The following KAZN variants were observed in gnomAD, a reference collection of about 807,000 sequenced individuals.
KAZN encodes kazrin, periplakin interacting protein.
KAZN carries 40 observed loss-of-function variants against 87.4 expected under a neutral mutation model. The observed-to-expected ratio is 0.46, with a 90% CI of 0.36 to 0.60. The LOEUF (loss-of-function observed/expected upper bound fraction) is 0.60, where lower values mean the gene tolerates loss of function less well. Ranked by LOEUF, KAZN falls within the 20% of genes least tolerant of loss-of-function variation. KAZN has a pLI of 0.00. For synonymous variants in KAZN, 466 were observed against 458.3 expected, an observed-to-expected ratio of 1.02 and a Z score of -0.22; for missense variants, 898 against 1,073.9, an observed-to-expected ratio of 0.84 and a Z score of 2.29.
chr1:15,031,553 G>GTGTGTTGTGTTGTGTTGTGT (rs139569205), intron 2 of KAZN, among the ~76,000 whole-genome samples: 15,547 of 146,284 alleles, frequency 0.11, 1,000 homozygotes, highest in South Asian at 0.13. Flanking sequence ...GCTACTCAGG[G>GTGTGTTGTGTTGTGTTGTGT]TGTGTTGTGT....
intron 1 of KAZN, among the ~76,000 whole-genome samples, chr1:14,926,696 T>C (rs1249833001): frequency 1.3e-5 from 2 of 152,184 alleles, no homozygotes; most frequent in East Asian, 1.9e-4. Flanking sequence ...GGCTTTCCTC[T>C]AGGAGGGCGA....
intron 1 of KAZN, among the ~76,000 whole-genome samples, chr1:14,906,191 TAA>T (rs1656561578): frequency 2.1e-5 from 1 of 47,436 alleles, no homozygotes; most frequent in Non-Finnish European, 6.5e-5. Flanking sequence ...ATAATAATAA[TAA>T]TAATAATAAT....
chr1:13,932,976 C>A (rs1403416527), intron 1 of KAZN, among the ~76,000 whole-genome samples: 1 of 152,142 alleles, frequency 6.6e-6, no homozygotes, highest in East Asian at 1.9e-4. Flanking sequence ...TGCAAAAATA[C>A]TACAGAGAAT....
intron 1 of KAZN, among the ~76,000 whole-genome samples, chr1:14,063,955 C>CTT (rs79002164): frequency 0.18 from 28,026 of 152,006 alleles, 3,217 homozygotes; most frequent in African/African-American, 0.33. Flanking sequence ...ACCTCTCTCT[C>CTT]GCCCAGGCTC....
intron 1 of KAZN, among the ~76,000 whole-genome samples, chr1:14,872,572 G>A (rs1175706022): frequency 3.9e-5 from 6 of 152,148 alleles, no homozygotes; most frequent in Admixed American, 3.9e-4. Flanking sequence ...CAGGTACTGT[G>A]TGAATAAGTC....
chr1:14,297,871 A>G (rs957968760), intron 2 of KAZN, among the ~76,000 whole-genome samples: 5 of 152,226 alleles, frequency 3.3e-5, no homozygotes, highest in Admixed American at 6.5e-5. Flanking sequence ...CATCAAGAGT[A>G]GGAGTTGCTG....
intron 1 of KAZN, among the ~76,000 whole-genome samples, chr1:14,627,631 CT>C (rs1288227978): frequency 6.6e-6 from 1 of 152,190 alleles, no homozygotes; most frequent in East Asian, 1.9e-4. Context: ...AGCACAGTGC[CT>C]GCCTTCTGAG....
chr1:14,019,201 G>A (rs1003338553), intron 1 of KAZN, among the ~76,000 whole-genome samples: 1 of 152,184 alleles, frequency 6.6e-6, no homozygotes, highest in Non-Finnish European at 1.5e-5. Flanking sequence ...TCAGATGCTT[G>A]AAAAACACCA....
intron 2 of KAZN, among the ~76,000 whole-genome samples, chr1:14,291,516 G>A (rs375801471): frequency 9.9e-4 from 151 of 152,338 alleles, no homozygotes; most frequent in African/African-American, 3.5e-3. Context: ...ATCTCCTGGT[G>A]TGCCTTTTGC....
intron 1 of KAZN, among the ~76,000 whole-genome samples, chr1:14,907,425 TGCAGAATC>T (rs1656725604): frequency 1.4e-5 from 2 of 146,822 alleles, no homozygotes; most frequent in Admixed American, 6.8e-5. Context: ...AAACAAAAAG[TGCAGAATC>T]TCAGACCCCA....
chr1:14,251,426 T>C (rs1488222051), intron 2 of KAZN, among the ~76,000 whole-genome samples: 1 of 152,162 alleles, frequency 6.6e-6, no homozygotes, highest in Non-Finnish European at 1.5e-5. Flanking sequence ...GTTGTGTTGT[T>C]GGATCCACCA....
chr1:14,151,809 C>G (rs1645479485), intron 1 of KAZN, among the ~76,000 whole-genome samples: 1 of 152,130 alleles, frequency 6.6e-6, no homozygotes, highest in African/African-American at 2.4e-5. Flanking sequence ...ACCAGCTGCC[C>G]CAGCAGAGCA....
chr1:14,592,743 T>G (rs971177673), intron 2 of KAZN, among the ~76,000 whole-genome samples: 1 of 152,206 alleles, frequency 6.6e-6, no homozygotes, highest in Non-Finnish European at 1.5e-5. Flanking sequence ...CAAAGAAGCA[T>G]GAGAGTTTCT....
intron 5 of KAZN, among the ~76,000 whole-genome samples, chr1:15,059,217 A>G (rs1638567100): frequency 6.6e-6 from 1 of 151,834 alleles, no homozygotes; most frequent in Non-Finnish European, 1.5e-5. Context: ...GACTACAGGC[A>G]TGAGCCACCA....
intron 1 of KAZN, among the ~76,000 whole-genome samples, chr1:13,980,363 T>C (rs933401110): frequency 6.6e-6 from 1 of 152,096 alleles, no homozygotes; most frequent in Non-Finnish European, 1.5e-5. Context: ...TTAAAACATA[T>C]AACTATATGC....
intron 1 of KAZN, among the ~76,000 whole-genome samples, chr1:14,846,806 T>C (rs1338200535): frequency 6.6e-6 from 1 of 152,166 alleles, no homozygotes; most frequent in Non-Finnish European, 1.5e-5. Context: ...CATTTCCACC[T>C]TTATTAACTA....
chr1:14,156,025 A>G (rs1645586013), intron 1 of KAZN, among the ~76,000 whole-genome samples: 1 of 151,910 alleles, frequency 6.6e-6, no homozygotes, highest in African/African-American at 2.4e-5. Context: ...ATAGGTTCTG[A>G]TATATTGTGT....
In KAZN at chr1:14,463,251, G is replaced by A. The variant is rs540880748; in HGVS notation, c.250-135732G>A. On this transcript the variant is annotated intron_variant, in intron 2 of 16. Coordinates refer to the KAZN transcript ENST00000636203. ...AAACTGTCATGGTGCTGGTGGGAGC[G>A]TCTTATGCTAATGAGCAATGAGGAC... Among the ~76,000 whole-genome samples the A allele has an allele frequency of 1.3e-3, 192 of 152,222 alleles. 1 individual carries two copies. Among genetic ancestry groups the A allele is most frequent in the African/African-American group, 3.7e-3 (152 of 41,540 alleles).
intron 2 of KAZN, among the ~76,000 whole-genome samples, chr1:14,477,810 C>A (rs559906727): frequency 4.6e-5 from 7 of 152,312 alleles, no homozygotes; most frequent in Non-Finnish European, 8.8e-5. Context: ...AGCTGACTCT[C>A]CCCAGGGCCA....
Sources: gnomAD v4.1 joint callset for allele counts (sites outside exome capture counted in the v4.1 genomes callset) on GRCh38, gnomAD v4.1.1 for gene constraint, MANE v1.5 for transcripts, NCBI Gene and HGNC (gene_info 2026-07-23, HGNC 2026-07-21) for gene names.